The following AK8 variants were observed in gnomAD, a reference collection of about 807,000 sequenced individuals.
AK8 encodes ATP-AMP transphosphorylase 8.
In AK8, 44 loss-of-function variants were observed where a neutral mutation model predicts 54.6. The observed-to-expected ratio is 0.81, with a 90% confidence interval of 0.63 to 1.04. The LOEUF (loss-of-function observed/expected upper bound fraction) is 1.04. AK8 is among the 50% of genes least tolerant of loss of function. The probability of loss-of-function intolerance (pLI) is 0.00; values close to 1 mark genes in which losing one functional copy is unlikely to be tolerated. For synonymous variants in AK8, 239 were observed against 245.6 expected, an observed-to-expected ratio of 0.97 and a Z score of 0.25; for missense variants, 555 against 613.6, an observed-to-expected ratio of 0.90 and a Z score of 1.01.
intron 4 of AK8, among the ~76,000 whole-genome samples, chr9:132,859,525 T>A (rs890909603): frequency 6.6e-6 from 1 of 151,920 alleles, no homozygotes. Context: ...TTTTTTTTTT[T>A]AAACAGTAGA....
intron 10 of AK8, among the ~76,000 whole-genome samples, chr9:132,806,101 C>CGTGT (rs5900993): frequency 0.086 from 12,844 of 148,620 alleles, 756 homozygotes; most frequent in African/African-American, 0.15. Flanking sequence ...TACTGCTTGG[C>CGTGT]GTGTGTGTGT....
At chr9:132,876,120 AAG>A (rs1844085249) in intron 1 of AK8, among the ~76,000 whole-genome samples, 1 of 152,136 alleles carries the variant, frequency 6.6e-6, no homozygotes, top group Non-Finnish European at 1.5e-5. Flanking sequence ...GGGGCAGGGA[AAG>A]AGCACCGAGC....
chr9:132,852,753 G>A (rs1214711919), intron 5 of AK8, among the ~76,000 whole-genome samples: 1 of 111,536 alleles, frequency 9.0e-6, no homozygotes, highest in Non-Finnish European at 1.7e-5. Flanking sequence ...CTGGGCAACA[G>A]AGTGAGATTA....
chr9:132,813,236 G>A (rs550548653), intron 10 of AK8, among the ~76,000 whole-genome samples: 3 of 151,488 alleles, frequency 2.0e-5, no homozygotes, highest in Non-Finnish European at 2.9e-5. Context: ...ACAGATCATT[G>A]CGTCTGACGG....
At chr9:132,782,759 A>G (rs1310584752) in intron 11 of AK8, among the ~76,000 whole-genome samples, 1 of 152,110 alleles carries the variant, frequency 6.6e-6, no homozygotes, top group Non-Finnish European at 1.5e-5. Flanking sequence ...GGCATTAACT[A>G]TGTTAGGAAG....
intron 11 of AK8, among the ~76,000 whole-genome samples, chr9:132,747,275 G>T (rs1837694814): frequency 6.6e-6 from 1 of 150,996 alleles, no homozygotes; most frequent in South Asian, 2.1e-4. Flanking sequence ...TGAGTAGCTG[G>T]GACTACAGGC....
At chr9:132,772,480 C>T (rs1484316559) in intron 11 of AK8, among the ~76,000 whole-genome samples, 8 of 152,310 alleles carry the variant, frequency 5.3e-5, no homozygotes, top group South Asian at 4.1e-4. Context: ...CCAGGGCACA[C>T]GTGCCATGTG....
chr9:132,795,886 G>A (rs1418771378), intron 10 of AK8, among the ~76,000 whole-genome samples: 3 of 152,220 alleles, frequency 2.0e-5, no homozygotes, highest in East Asian at 1.9e-4. Context: ...GGTGGATCCC[G>A]CTAATAATCC....
intron 5 of AK8, among the ~76,000 whole-genome samples, chr9:132,834,962 C>T (rs894256150): frequency 1.1e-4 from 17 of 151,956 alleles, no homozygotes; most frequent in Admixed American, 7.2e-4. Context: ...CTTCTCCTCC[C>T]GGGTTCAAGT....
chr9:132,761,269 C>CTTTTTTTTT (rs534596980), intron 11 of AK8, among the ~76,000 whole-genome samples: 9 of 125,614 alleles, frequency 7.2e-5, no homozygotes, highest in African/African-American at 1.0e-4. Context: ...CTTTTCTTTT[C>CTTTTTTTTT]TTTTTTTTTT....
chr9:132,814,365 T>C (rs1564416502), intron 10 of AK8, among the ~76,000 whole-genome samples: 1 of 150,114 alleles, frequency 6.7e-6, no homozygotes. Flanking sequence ...GTACCAGTTA[T>C]GAAAAGCCAA....
chr9:132,764,901 A>C (rs7034816), intron 11 of AK8, among the ~76,000 whole-genome samples: 6 of 152,230 alleles, frequency 3.9e-5, no homozygotes, highest in Non-Finnish European at 8.8e-5. Context: ...ACAAAGATAC[A>C]GCAAAAAAAG....
intron 11 of AK8, among the ~76,000 whole-genome samples, chr9:132,756,428 G>A (rs1321148745): frequency 3.9e-5 from 6 of 152,224 alleles, no homozygotes; most frequent in Non-Finnish European, 8.8e-5. Flanking sequence ...GAGGGAGGGC[G>A]CCTGCAACCT....
chr9:132,829,303 T>C (rs1461698869), intron 5 of AK8, among the ~76,000 whole-genome samples: 2 of 151,988 alleles, frequency 1.3e-5, no homozygotes, highest in African/African-American at 4.8e-5. Flanking sequence ...CACAAGCATC[T>C]CTTCATATCT....
At chr9:132,850,971 C>T (rs1842951424) in intron 5 of AK8, among the ~76,000 whole-genome samples, 1 of 151,968 alleles carries the variant, frequency 6.6e-6, no homozygotes, top group Non-Finnish European at 1.5e-5. Flanking sequence ...CTTGTCAACC[C>T]CACTGAAAGT....
intron 5 of AK8, among the ~76,000 whole-genome samples, chr9:132,849,053 C>T (rs554174689): frequency 1.1e-3 from 165 of 151,794 alleles, no homozygotes; most frequent in Non-Finnish European, 1.8e-3. Context: ...GGACTACAGG[C>T]GCGTGCCACC....
chr9:132,832,427 C>G (rs1330698068), intron 5 of AK8, among the ~76,000 whole-genome samples: 1 of 152,214 alleles, frequency 6.6e-6, no homozygotes, highest in Non-Finnish European at 1.5e-5. Context: ...GACGCAGCGT[C>G]TGACAGCTCC....
rs754245501 is a variant in AK8, at chr9:132,770,742, C to T, written c.1121+21892G>A. On this transcript the variant is annotated intron_variant, in intron 11 of 12. Coordinates refer to ENST00000298545, the MANE Select transcript of AK8 (RefSeq NM_152572.3). This position sits in a 1 kb window ranked among gnomAD's most constrained non-coding sequence, Gnocchi z 4.3. ...GGGAGCCCTGGGGCGCAGTGTGGGG[C>T]GGTCTTGCTCCCTGTTGACCCCCAT... is the stretch of plus-strand genomic sequence containing the variant. Among the ~76,000 whole-genome samples the T allele has an allele frequency of 2.6e-5, 4 of 152,152 alleles. No homozygotes were observed.
At chr9:132,776,070 G>A (rs1839203085) in intron 11 of AK8, among the ~76,000 whole-genome samples, 1 of 152,136 alleles carries the variant, frequency 6.6e-6, no homozygotes, top group Non-Finnish European at 1.5e-5. Flanking sequence ...CATCCTCACT[G>A]GACTGCCTCT....
Sources: allele counts gnomAD v4.1 joint callset (sites outside exome capture counted in the v4.1 genomes callset), GRCh38; gene constraint gnomAD v4.1.1; non-coding constraint Gnocchi (gnomAD v3.1); transcripts MANE v1.5; gene names NCBI Gene and HGNC (gene_info 2026-07-23, HGNC 2026-07-21).